Variants in PTK2 observed in about 807,000 individuals in gnomAD.
PTK2 encodes the protein protein tyrosine kinase 2, also known as focal adhesion kinase 1.
PTK2 carries 45 observed loss-of-function variants against 150.1 expected under a neutral mutation model. The ratio of observed to expected loss-of-function variants is 0.30; its 90% CI spans 0.24 to 0.38. PTK2 has a LOEUF of 0.38. Among genes scored for constraint, PTK2 ranks in the 10% least tolerant of loss-of-function variants. The pLI is 1.00. For synonymous variants in PTK2, 432 were observed against 449.2 expected, an observed-to-expected ratio of 0.96 and a Z score of 0.48; for missense variants, 919 against 1,307.3, an observed-to-expected ratio of 0.70 and a Z score of 4.58.
intron 8 of PTK2, chr8:140,820,853 C>A (rs891818959): frequency 1.3e-5 from 2 of 152,274 alleles, no homozygotes; most frequent in African/African-American, 2.4e-5. Context: ...AGGTGACCTG[C>A]TAATCTCAGT....
At chr8:140,754,272 A>T (rs2100064412) in intron 16 of PTK2, among the ~76,000 whole-genome samples, 1 of 152,240 alleles carries the variant, frequency 6.6e-6, no homozygotes, top group South Asian at 2.1e-4. Context: ...AAGAGCACAG[A>T]ATACCCTATC....
At chr8:140,786,213 A>G (rs1423994801) in intron 14 of PTK2, among the ~76,000 whole-genome samples, 1 of 152,204 alleles carries the variant, frequency 6.6e-6, no homozygotes, top group Non-Finnish European at 1.5e-5. Context: ...GTATGACAGA[A>G]AAACAAGTAA....
chr8:140,893,638 G>A (rs1290838000), intron 2 of PTK2, among the ~76,000 whole-genome samples: 1 of 152,312 alleles, frequency 6.6e-6, no homozygotes, highest in African/African-American at 2.4e-5. Flanking sequence ...GTAGGGCAGA[G>A]TTGGGAAGGA....
intron 27 of PTK2, among the ~76,000 whole-genome samples, chr8:140,684,579 G>C (rs901463644): frequency 1.3e-5 from 2 of 152,204 alleles, no homozygotes; most frequent in Non-Finnish European, 2.9e-5. Context: ...ACATCCAGTT[G>C]AGTGCCGAAT....
At chr8:140,930,710 T>C (rs1326175268) in intron 1 of PTK2, among the ~76,000 whole-genome samples, 1 of 152,234 alleles carries the variant, frequency 6.6e-6, no homozygotes, top group Non-Finnish European at 1.5e-5. Flanking sequence ...AAATATTTGC[T>C]TTTTACATTT....
At chr8:140,875,979 G>A (rs1288779302) in intron 4 of PTK2, among the ~76,000 whole-genome samples, 2 of 152,172 alleles carry the variant, frequency 1.3e-5, no homozygotes. Context: ...AGCTTGTATT[G>A]TAATTGCCTT....
chr8:140,669,803 A>C, intron 29 of PTK2, 68 bp from the exon 33 acceptor site: 3 of 1,458,720 alleles, frequency 2.1e-6, no homozygotes, highest in Non-Finnish European at 2.8e-6. Flanking sequence ...AAGAAAAACA[A>C]TATTAATAAA....
chr8:140,807,557 T>C (rs1359260099), intron 10 of PTK2, among the ~76,000 whole-genome samples: 2 of 152,146 alleles, frequency 1.3e-5, no homozygotes, highest in Non-Finnish European at 2.9e-5. Context: ...GCTGTTCAAC[T>C]GGTGGCAGGA....
At chr8:140,919,435 A>G (rs1198735886) in intron 2 of PTK2, among the ~76,000 whole-genome samples, 3 of 152,210 alleles carry the variant, frequency 2.0e-5, no homozygotes, top group Non-Finnish European at 4.4e-5. Flanking sequence ...CACTGAATAA[A>G]AAGAAATCCA....
At chr8:140,948,874 T>C (rs768984645) in intron 1 of PTK2, among the ~76,000 whole-genome samples, 4 of 152,160 alleles carry the variant, frequency 2.6e-5, no homozygotes, top group Non-Finnish European at 5.9e-5. Context: ...CTAGAGATGA[T>C]TTAAAGTACA....
At position 140,937,484 on chromosome 8, in the gene PTK2, TGG is replaced by T. The variant is rs1368688021; in HGVS notation, c.-121-11737_-121-11736del. ...CACGTGGCTTAAAGTATACTCTAATTGGCACCCTTGAATTACCCAGGAACCAC... is the reference window on the plus strand; with the variant it reads ...CACGTGGCTTAAAGTATACTCTAATTCACCCTTGAATTACCCAGGAACCAC... On this transcript the variant is annotated intron_variant, in intron 1 of 31. Transcript: ENST00000522684. Among the ~76,000 whole-genome samples the T allele has an allele frequency of 1.2e-3, 189 of 152,046 alleles. 1 individual carries two copies. Among genetic ancestry groups the T allele is most frequent in the African/African-American group, 4.5e-3 (187 of 41,502 alleles).
chr8:140,841,109 A>T (rs2100122066), intron 7 of PTK2, among the ~76,000 whole-genome samples: 1 of 152,182 alleles, frequency 6.6e-6, no homozygotes, highest in Non-Finnish European at 1.5e-5. Flanking sequence ...AGAAATTGGC[A>T]AAGTCATTAT....
At chr8:140,897,971 A>C (rs1431492931) in intron 2 of PTK2, among the ~76,000 whole-genome samples, 1 of 152,178 alleles carries the variant, frequency 6.6e-6, no homozygotes. Flanking sequence ...GCACTACATA[A>C]TATCTTTTTC....
At chr8:140,820,985 G>A (rs896036445) in intron 8 of PTK2, 3 of 152,376 alleles carry the variant, frequency 2.0e-5, no homozygotes, top group East Asian at 1.9e-4. Context: ...TAGCCTGTCT[G>A]TAGTGGCTTG....
At chr8:140,935,019 T>C (rs764726135) in intron 1 of PTK2, among the ~76,000 whole-genome samples, 1 of 152,202 alleles carries the variant, frequency 6.6e-6, no homozygotes, top group African/African-American at 2.4e-5. Flanking sequence ...AAGTGACACA[T>C]GATCTTAAGT....
chr8:140,694,103 C>T lies in PTK2; in HGVS notation c.2499+6788G>A, dbSNP rs529544641. Among the ~76,000 whole-genome samples the T allele has an allele frequency of 1.7e-3, 247 of 149,398 alleles. 2 individuals carry two copies. The highest frequency in any genetic ancestry group is 5.6e-3 in the African/African-American group (228 of 40,562). On this transcript the variant is annotated intron_variant, in intron 26 of 31. Transcript: ENST00000522684. ...TCGCCCAGGCTGGAGTGCAGTGGCG[C>T]GATCTCGGCTCACTGCAAGCTCCGC...
At chr8:140,886,242 C>G (rs754173544) in intron 3 of PTK2, among the ~76,000 whole-genome samples, 23 of 152,166 alleles carry the variant, frequency 1.5e-4, no homozygotes, top group Non-Finnish European at 3.2e-4. Context: ...TATTTTGTAG[C>G]AAGAAGTGTA....
intron 15 of PTK2, among the ~76,000 whole-genome samples, chr8:140,762,972 G>A (rs1667105835): frequency 6.6e-6 from 1 of 152,096 alleles, no homozygotes; most frequent in African/African-American, 2.4e-5. Flanking sequence ...GGTAGAGACA[G>A]GATCTTGTTA....
chr8:140,969,943 G>C (rs1211214723), intron 1 of PTK2, among the ~76,000 whole-genome samples: 1 of 152,234 alleles, frequency 6.6e-6, no homozygotes, highest in Non-Finnish European at 1.5e-5. Context: ...GGCAACTCGT[G>C]CAAGACTGGT....
Sources: gnomAD v4.1 joint callset for allele counts (sites outside exome capture counted in the v4.1 genomes callset) on GRCh38, gnomAD v4.1.1 for gene constraint, MANE v1.5 for transcripts, NCBI Gene and HGNC (gene_info 2026-07-23, HGNC 2026-07-21) for gene names.